Variants in SPATA46 observed in about 807,000 individuals in gnomAD.
SPATA46 encodes spermatogenesis-associated protein 46.
In SPATA46, 3 loss-of-function variants were observed where a neutral mutation model predicts 6.2. That is an observed-to-expected ratio of 0.48 (90% CI 0.22 to 1.25). SPATA46 has a LOEUF of 1.25. SPATA46 is among the 50% of genes most tolerant of loss of function. SPATA46 has a pLI of 0.20. For synonymous variants in SPATA46, 117 were observed against 123.3 expected, an observed-to-expected ratio of 0.95 and a Z score of 0.34; for missense variants, 308 against 323.5, an observed-to-expected ratio of 0.95 and a Z score of 0.37.
chr1:162,374,415 G>A lies in SPATA46; in HGVS notation c.419C>T (p.Ser140Leu), dbSNP rs142986032. Residue 140 changes from serine (S) to leucine (L), a missense_variant, in exon 3 of 3, where the codon TCG becomes TTG. Transcript: ENST00000367935. ...AGTGTTCTCTGGGGAGGAAGAGGAC[G>A]AACAGATGTTCTCAGCCATGTCCTC... is the stretch of plus-strand genomic sequence containing the variant. ...LSEDMAENICSSSSSPENTCP... is the reference protein window; with the variant it reads ...LSEDMAENICLSSSSPENTCP... 364 of 1,614,134 alleles carry A rather than the reference G, an allele frequency of 2.3e-4. No individual in the cohort carries two copies. The highest frequency in any genetic ancestry group is 2.8e-4 in the Non-Finnish European group (332 of 1,180,056).
Position 162,373,962 on chromosome 1 carries a change from A to C in SPATA46, c.*86T>G. 1 of 1,375,492 alleles carries C rather than the reference A, an allele frequency of 7.3e-7. No individual in the cohort carries two copies. The highest frequency in any genetic ancestry group is 9.9e-7 in the Non-Finnish European group (1 of 1,010,610). 85.2% of individuals were successfully genotyped at this position (1,375,492 alleles called of 1,614,324 possible). On this transcript the variant is annotated 3_prime_UTR_variant, in exon 3 of 3. Transcript: ENST00000367935. ...AGGCAACCATTAGCCAAAGGTGATG[A>C]GAGCCGGGTTCTGGGAAGGACAGCA... is the stretch of plus-strand genomic sequence containing the variant.
At chr1:162,376,611 C>A in intron 1 of SPATA46, 77 bp downstream of exon 1, 1 of 1,348,410 alleles carries the variant, frequency 7.4e-7, no homozygotes, top group Non-Finnish European at 1.0e-6. Context: ...GGTCCTGTAA[C>A]ATGATCTGGT....
intron 2 of SPATA46, 104 bp downstream of exon 2, chr1:162,375,186 G>T (rs1389830870): frequency 2.0e-6 from 2 of 979,040 alleles, no homozygotes; most frequent in African/African-American, 1.6e-5. Flanking sequence ...ACAAGACCGC[G>T]CATGGGGGTC....
intron 1 of SPATA46, among the ~76,000 whole-genome samples, chr1:162,376,302 A>G (rs1299237555): frequency 6.6e-6 from 1 of 152,124 alleles, no homozygotes. Context: ...CTCTATGTAG[A>G]CATACTGCCA....
Position 162,374,399 on chromosome 1 carries a change from T to C in SPATA46, c.435A>G (p.Pro145=). 2 of 1,614,228 alleles carry C rather than the reference T, an allele frequency of 1.2e-6. No homozygotes were observed. The highest frequency in any genetic ancestry group is 1.7e-6 in the Non-Finnish European group (2 of 1,180,034). ...AENICSSSSS[P]ENTCPREATK... Reference sequence around the variant, plus strand: ...TGGCTTCTCGAGGGCAAGTGTTCTCTGGGGAGGAAGAGGACGAACAGATGT... The same window carrying C: ...TGGCTTCTCGAGGGCAAGTGTTCTCCGGGGAGGAAGAGGACGAACAGATGT... Residue 145 remains proline, a synonymous_variant, in exon 3 of 3, where the codon CCA becomes CCG. Transcript: ENST00000367935.
chr1:162,376,691 G>A lies in SPATA46; in HGVS notation c.100C>T (p.Pro34Ser). The change falls in exon 1 of 3, where the codon CCA becomes TCA. Residue 34 changes from proline to serine, a missense_variant. Coordinates refer to ENST00000367935, the MANE Select transcript of SPATA46 (RefSeq NM_182581.4). ...CCCTAGTGGCACCAAAGTTTACCTG[G>A]CAGGCTGGTGGCACGAGAGAACATA... ...DIMFSRATSL[P>S]DIAKTAVPTE... 1 of 1,613,632 alleles carries A rather than the reference G, an allele frequency of 6.2e-7. No individual in the cohort carries two copies. Among genetic ancestry groups the A allele is most frequent in the African/African-American group, 1.3e-5 (1 of 74,996 alleles).
chr1:162,375,468 C>T, intron 1 of SPATA46, 65 bp from the exon 2 acceptor site: 7 of 1,281,410 alleles, frequency 5.5e-6, no homozygotes, highest in Non-Finnish European at 6.8e-6. Context: ...GGGACTCCCC[C>T]AGGCATACCT....
chr1:162,376,626 T>C (rs777106507), intron 1 of SPATA46, 62 bp downstream of exon 1: 2 of 1,421,080 alleles, frequency 1.4e-6, no homozygotes, highest in Admixed American at 1.8e-5. Context: ...TCTGGTAGGG[T>C]ACTCAATTAA....
intron 2 of SPATA46, 37 bp from the exon 3 acceptor site, chr1:162,374,653 G>C: frequency 1.9e-6 from 3 of 1,553,070 alleles, no homozygotes; most frequent in Non-Finnish European, 2.6e-6. Context: ...TCTCTGGCAG[G>C]GAGCAGTGGA....
rs778134182 is a variant in SPATA46 at position 162,374,147 on chromosome 1, G to A, written c.687C>T (p.Ala229=). ...CGGAGGAGAGCCTGTCTCCCAGCCG[G>A]GCCTTCTGCTCCTTGCTCCAGAGGG... ...LKALWSKEQK[A]RLGDRLSSGS... Residue 229 remains alanine (A), a synonymous_variant, in exon 3 of 3, where the codon GCC becomes GCT. Transcript: ENST00000367935. 4 of 1,614,248 alleles carry A rather than the reference G, an allele frequency of 2.5e-6. No homozygotes were observed. The South Asian group carries it at 4.4e-5, about 18-fold the overall frequency.
rs376552975 is a variant in SPATA46, at chr1:162,376,122, G to A, written c.103+566C>T. Among the ~76,000 whole-genome samples, 115 of 152,240 alleles carry A rather than the reference G, an allele frequency of 7.6e-4. 2 individuals are homozygous for A. In the South Asian group the frequency reaches 0.022, roughly 29 times the overall value. ...CTGCATTTCTAACAAGCTCCCAGAC[G>A]ATGCAGACGTTGCAAGTCTAAGGAC... On this transcript the variant is annotated intron_variant, in intron 1 of 2. Transcript: ENST00000367935.
At chr1:162,376,504 C>A in intron 1 of SPATA46, 184 bp downstream of exon 1, 7 of 605,436 alleles carry the variant, frequency 1.2e-5, no homozygotes, top group East Asian at 3.1e-5. Flanking sequence ...CTTCCCTTAC[C>A]AAAAATCAAT....
rs1258094576 is a variant in SPATA46 at position 162,373,910 on chromosome 1, A to C, written c.*138T>G. 12 of 794,816 alleles carry C rather than the reference A, an allele frequency of 1.5e-5. No individual in the cohort carries two copies. The highest frequency in any genetic ancestry group is 2.2e-5 in the Non-Finnish European group (11 of 500,214). 49.2% of individuals were successfully genotyped at this position (794,816 alleles called of 1,614,324 possible). Reference sequence around the variant, plus strand: ...TTGTCTTTATTTTTAAAAGAGAGAAAGGGGAGGGTGTGTGCCTGGTGTTGC... The same window carrying C: ...TTGTCTTTATTTTTAAAAGAGAGAACGGGGAGGGTGTGTGCCTGGTGTTGC... On this transcript the variant is annotated 3_prime_UTR_variant, in exon 3 of 3. Transcript: ENST00000367935.
chr1:162,376,805 G>C lies in SPATA46; in HGVS notation c.-15C>G, dbSNP rs778415582. On this transcript the variant is annotated 5_prime_UTR_variant, in exon 1 of 3. Coordinates refer to ENST00000367935, the MANE Select transcript of SPATA46 (RefSeq NM_182581.4). ...AAGTTCTCCATATTCTGACCACTGCGGGGGTACAGAGATCACACGCCTGCT... is the reference window on the plus strand; with the variant it reads ...AAGTTCTCCATATTCTGACCACTGCCGGGGTACAGAGATCACACGCCTGCT... The C allele has an allele frequency of 4.3e-6, 7 of 1,613,026 alleles. No individual in the cohort carries two copies. Among genetic ancestry groups the C allele is most frequent in the East Asian group, 2.2e-5 (1 of 44,876 alleles).
intron 1 of SPATA46, chr1:162,376,480 AAG>A: frequency 4.0e-6 from 2 of 496,782 alleles, no homozygotes; most frequent in Non-Finnish European, 7.0e-6. Flanking sequence ...AAAAAAAAAA[AAG>A]TTTTCCCCTT....
Position 162,376,814 on chromosome 1 carries a change from G to T in SPATA46, c.-24C>A, listed in dbSNP as rs770110461. Reference sequence around the variant, plus strand: ...ATATTCTGACCACTGCGGGGGTACAGAGATCACACGCCTGCTCTGGAGAGG... The same window carrying T: ...ATATTCTGACCACTGCGGGGGTACATAGATCACACGCCTGCTCTGGAGAGG... On this transcript the variant is annotated 5_prime_UTR_variant, in exon 1 of 3. The change creates a new upstream start codon in the 5' untranslated region. Coordinates refer to ENST00000367935, the MANE Select transcript of SPATA46 (RefSeq NM_182581.4). The T allele has an allele frequency of 4.3e-6, 7 of 1,612,034 alleles. No homozygotes were observed. The Admixed American group carries it at 1.0e-4, about 23-fold the overall frequency.
At chr1:162,375,242 A>G in intron 2 of SPATA46, 48 bp downstream of exon 2, 3 of 1,510,966 alleles carry the variant, frequency 2.0e-6, no homozygotes, top group Non-Finnish European at 2.8e-6. Flanking sequence ...GCCCCTTTTC[A>G]TCCTTAGCCT....
Position 162,374,049 on chromosome 1 carries a change from T to C in SPATA46, c.785A>G (p.Ter262TrpextTer34). The C allele has an allele frequency of 6.3e-7, 1 of 1,599,128 alleles. No individual in the cohort carries two copies. Among genetic ancestry groups the C allele is most frequent in the Non-Finnish European group, 8.5e-7 (1 of 1,172,300 alleles). Residue 262 changes from the stop codon to tryptophan (W), a stop_lost, in exon 3 of 3, where the codon TAG (stop) becomes TGG (tryptophan). Transcript: ENST00000367935. The part of the protein sequence containing the change: ...QIGGEAYLCL[*>W] ...GTGACTAACTTTATTGGCATCTCTCTAGAGACATAAGTAGGCTTCACCGCC... is the reference window on the plus strand; with the variant it reads ...GTGACTAACTTTATTGGCATCTCTCCAGAGACATAAGTAGGCTTCACCGCC...
At chr1:162,376,308 T>C (rs1647661654) in intron 1 of SPATA46, among the ~76,000 whole-genome samples, 1 of 152,126 alleles carries the variant, frequency 6.6e-6, no homozygotes, top group Non-Finnish European at 1.5e-5. Context: ...GTAGACATAC[T>C]GCCACCTTGA....
Sources: allele counts gnomAD v4.1 joint callset (sites outside exome capture counted in the v4.1 genomes callset), GRCh38; gene constraint gnomAD v4.1.1; transcripts MANE v1.5; gene names NCBI Gene and HGNC (gene_info 2026-07-23, HGNC 2026-07-21).